Variants in CPS1 observed in about 807,000 individuals in gnomAD.
CPS1 encodes carbamoyl-phosphate synthase [ammonia], mitochondrial.
Under a neutral mutation model 174.6 loss-of-function variants are expected in CPS1, and 109 were observed. The observed-to-expected ratio is 0.62, with a 90% CI of 0.53 to 0.73. The LOEUF is 0.73. CPS1 is among the 30% of genes least tolerant of loss of function. The pLI, the probability that CPS1 is intolerant of heterozygous loss-of-function variation, is 0.00. For missense variants in CPS1, 1,689 were observed against 1,821.9 expected, an observed-to-expected ratio of 0.93 and a Z score of 1.33; for synonymous variants, 637 against 632.0, an observed-to-expected ratio of 1.01 and a Z score of -0.12.
upstream of CPS1, among the ~76,000 whole-genome samples, chr2:210,551,826 AC>A (rs1696738918): frequency 2.0e-5 from 3 of 151,960 alleles, no homozygotes; most frequent in Admixed American, 2.0e-4. Context: ...GTTAGTTTGA[AC>A]CCTCATCATC....
At chr2:210,494,715 C>T (rs1303632264) in intron 1 of CPS1, among the ~76,000 whole-genome samples, 1 of 152,182 alleles carries the variant, frequency 6.6e-6, no homozygotes, top group East Asian at 1.9e-4. Context: ...ATTGTGTGCA[C>T]AAGCTGTCTC....
intron 6 of CPS1, among the ~76,000 whole-genome samples, chr2:210,584,410 G>A (rs1698035385): frequency 6.6e-6 from 1 of 152,062 alleles, no homozygotes; most frequent in African/African-American, 2.4e-5. Context: ...TGACAAAGGC[G>A]ATTGAAATTC....
intron 1 of CPS1, among the ~76,000 whole-genome samples, chr2:210,563,437 T>C (rs1315109298): frequency 6.6e-6 from 1 of 152,192 alleles, no homozygotes; most frequent in Non-Finnish European, 1.5e-5. Flanking sequence ...AATATTGTCA[T>C]GTGTTTGTAA....
At chr2:210,657,189 C>G (rs1300089371) in intron 30 of CPS1, among the ~76,000 whole-genome samples, 1 of 152,156 alleles carries the variant, frequency 6.6e-6, no homozygotes, top group Non-Finnish European at 1.5e-5. Context: ...CACCTCCAAA[C>G]AGCACTTTTT....
At chr2:210,554,372 T>C (rs144895412), upstream of CPS1, among the ~76,000 whole-genome samples, 668 of 151,754 alleles carry the variant, frequency 4.4e-3, 4 homozygotes, top group African/African-American at 0.014. Context: ...CACATTTCTC[T>C]CTAGACTTTA....
intron 18 of CPS1, among the ~76,000 whole-genome samples, chr2:210,607,826 C>T (rs1168676876): frequency 1.3e-5 from 2 of 151,780 alleles, no homozygotes; most frequent in African/African-American, 4.8e-5. Flanking sequence ...TGAAGATAGT[C>T]AAGTTCTCAA....
intron 1 of CPS1, among the ~76,000 whole-genome samples, chr2:210,547,712 G>A (rs1446280240): frequency 6.6e-6 from 1 of 151,960 alleles, no homozygotes; most frequent in Non-Finnish European, 1.5e-5. Context: ...TAAAAGATGT[G>A]TTTAATAAAA....
intron 21 of CPS1, 81 bp from the exon 22 acceptor site, chr2:210,637,621 G>T: frequency 1.4e-6 from 2 of 1,399,634 alleles, no homozygotes; most frequent in Non-Finnish European, 2.0e-6. Context: ...AGAAGCCCTT[G>T]GTGTTCTTGA....
intron 1 of CPS1, among the ~76,000 whole-genome samples, chr2:210,495,131 T>G (rs1170123077): frequency 6.6e-6 from 1 of 152,206 alleles, no homozygotes; most frequent in East Asian, 1.9e-4. Flanking sequence ...CAGAACTTAA[T>G]TTTTTATTCC....
intron 1 of CPS1, among the ~76,000 whole-genome samples, chr2:210,557,154 C>T (rs1004230163): frequency 2.6e-5 from 4 of 151,972 alleles, no homozygotes; most frequent in African/African-American, 9.7e-5. Flanking sequence ...AGATAGCTTT[C>T]TGTGACTAGA....
At chr2:210,517,333 G>A (rs1421117588) in intron 1 of CPS1, among the ~76,000 whole-genome samples, 1 of 151,954 alleles carries the variant, frequency 6.6e-6, no homozygotes, top group Non-Finnish European at 1.5e-5. Context: ...AGCTAGCACA[G>A]GCATAGGTCA....
intron 13 of CPS1, among the ~76,000 whole-genome samples, chr2:210,596,394 G>A (rs1298142649): frequency 2.6e-5 from 4 of 151,848 alleles, no homozygotes; most frequent in Non-Finnish European, 5.9e-5. Context: ...AGTAGAGTCA[G>A]CATAGAATGG....
chr2:210,611,085 A>T (rs1204143059), intron 19 of CPS1, among the ~76,000 whole-genome samples: 1 of 151,926 alleles, frequency 6.6e-6, no homozygotes, highest in Non-Finnish European at 1.5e-5. Context: ...ACTCTTCAAG[A>T]TACCACTATG....
At chr2:210,494,303 A>G (rs1196327580) in intron 1 of CPS1, among the ~76,000 whole-genome samples, 3 of 152,256 alleles carry the variant, frequency 2.0e-5, no homozygotes, top group Non-Finnish European at 2.9e-5. Flanking sequence ...ATATTTTTTA[A>G]AGAACTAACA....
At chr2:210,638,777 C>T (rs147434804) in intron 22 of CPS1, among the ~76,000 whole-genome samples, 2 of 152,164 alleles carry the variant, frequency 1.3e-5, no homozygotes. Flanking sequence ...AATTTGCAAG[C>T]CAAAGAGATC....
chr2:210,480,520 G>A (rs1694537984), intron 1 of CPS1, among the ~76,000 whole-genome samples: 1 of 152,094 alleles, frequency 6.6e-6, no homozygotes, highest in East Asian at 1.9e-4. Context: ...TAACCTCCTA[G>A]CAACCATGCC....
intron 3 of CPS1, 143 bp from the exon 4 acceptor site, chr2:210,577,274 ATTTT>A: frequency 1.7e-6 from 1 of 579,914 alleles, no homozygotes; most frequent in Non-Finnish European, 3.1e-6. Flanking sequence ...AAGGGCATTG[ATTTT>A]TTTTTTTTTG....
intron 1 of CPS1, among the ~76,000 whole-genome samples, chr2:210,538,874 T>G (rs973346653): frequency 8.5e-5 from 13 of 152,160 alleles, no homozygotes; most frequent in African/African-American, 3.1e-4. Flanking sequence ...AAGTTTAAGA[T>G]CTTCCTATGG....
At chr2:210,610,472 T>C (rs963761269) in intron 19 of CPS1, among the ~76,000 whole-genome samples, 26 of 151,958 alleles carry the variant, frequency 1.7e-4, no homozygotes, top group Admixed American at 2.6e-4. Context: ...AAATTCAGAA[T>C]ACCTAAACTG....
Sources: gnomAD v4.1 joint callset for allele counts (sites outside exome capture counted in the v4.1 genomes callset) on GRCh38, gnomAD v4.1.1 for gene constraint, MANE v1.5 for transcripts, NCBI Gene and HGNC (gene_info 2026-07-23, HGNC 2026-07-21) for gene names.